The following COBL variants were observed in gnomAD, a reference collection of about 807,000 sequenced individuals.
COBL encodes the protein cordon-bleu WH2 repeat protein.
In COBL, 51 loss-of-function variants were observed where a neutral mutation model predicts 98.8. The ratio of observed to expected loss-of-function variants is 0.52; its 90% CI spans 0.41 to 0.65. The LOEUF (loss-of-function observed/expected upper bound fraction) is 0.65. COBL is among the 30% of genes least tolerant of loss of function. COBL has a pLI of 0.00. For synonymous variants in COBL, 634 were observed against 651.7 expected, an observed-to-expected ratio of 0.97 and a Z score of 0.41; for missense variants, 1,617 against 1,617.5, an observed-to-expected ratio of 1.00 and a Z score of 0.01.
chr7:51,250,056 C>T (rs1254200555), intron 1 of COBL, among the ~76,000 whole-genome samples: 2 of 151,854 alleles, frequency 1.3e-5, no homozygotes, highest in African/African-American at 4.8e-5. Context: ...AAGCCAAGAT[C>T]GCACCACTGC....
intron 6 of COBL, among the ~76,000 whole-genome samples, chr7:51,096,860 T>C (rs1795315436): frequency 6.6e-6 from 1 of 151,998 alleles, no homozygotes; most frequent in South Asian, 2.1e-4. Flanking sequence ...CCAAAAACCT[T>C]CCAACAAAGA....
intron 1 of COBL, among the ~76,000 whole-genome samples, chr7:51,251,183 G>A (rs1026975721): frequency 7.9e-5 from 12 of 152,110 alleles, no homozygotes; most frequent in African/African-American, 2.9e-4. Flanking sequence ...CTGCAAATTA[G>A]AACACGTAAA....
chr7:51,078,180 G>T (rs1793268615), intron 7 of COBL, among the ~76,000 whole-genome samples: 1 of 152,160 alleles, frequency 6.6e-6, no homozygotes, highest in Non-Finnish European at 1.5e-5. Flanking sequence ...TTCCATTCTT[G>T]CCAAAGAATT....
At chr7:51,109,052 T>G (rs1371327990) in intron 6 of COBL, among the ~76,000 whole-genome samples, 1 of 152,164 alleles carries the variant, frequency 6.6e-6, no homozygotes, top group Non-Finnish European at 1.5e-5. Context: ...ACTGGCCTCC[T>G]GCCTAGTGTG....
chr7:51,230,122 CA>C (rs1395272068), intron 1 of COBL, among the ~76,000 whole-genome samples: 14 of 152,182 alleles, frequency 9.2e-5, no homozygotes, highest in Admixed American at 5.9e-4. Flanking sequence ...CCCTGAGAAG[CA>C]AGGAGTGTGC....
intron 4 of COBL, among the ~76,000 whole-genome samples, chr7:51,185,299 G>A (rs1789384483): frequency 6.6e-6 from 1 of 152,200 alleles, no homozygotes; most frequent in South Asian, 2.1e-4. Context: ...TGGGTGCAGG[G>A]CCCAGCACTA....
At chr7:51,063,159 AAG>A (rs1252823372) in intron 7 of COBL, among the ~76,000 whole-genome samples, 5 of 150,484 alleles carry the variant, frequency 3.3e-5, no homozygotes, top group African/African-American at 1.2e-4. Flanking sequence ...TTTTTAGATG[AAG>A]TCTCACTCTG....
intron 6 of COBL, among the ~76,000 whole-genome samples, chr7:51,130,115 C>T (rs138045204): frequency 1.3e-5 from 2 of 152,270 alleles, no homozygotes; most frequent in African/African-American, 2.4e-5. Flanking sequence ...AGAAGAGACA[C>T]CATCAAGGTG....
intron 6 of COBL, among the ~76,000 whole-genome samples, chr7:51,112,101 C>A (rs1796882054): frequency 6.6e-6 from 1 of 152,126 alleles, no homozygotes; most frequent in Non-Finnish European, 1.5e-5. Flanking sequence ...AAGACTCCCA[C>A]ACACATAACA....
chr7:51,176,122 T>C (rs920127585), intron 5 of COBL, among the ~76,000 whole-genome samples: 3 of 152,190 alleles, frequency 2.0e-5, no homozygotes, highest in Admixed American at 2.0e-4. Context: ...TTGAAGTTTT[T>C]CTGGTGGCTC....
intron 7 of COBL, among the ~76,000 whole-genome samples, chr7:51,052,362 C>T (rs1415807727): frequency 6.6e-5 from 10 of 152,184 alleles, no homozygotes. Context: ...AGTATATCTG[C>T]ATTTAGACTT....
chr7:51,136,444 C>T, intron 5 of COBL, 113 bp from the exon 6 acceptor site: 1 of 1,131,752 alleles, frequency 8.8e-7, no homozygotes. Flanking sequence ...TGAACGGCAG[C>T]TGTTTCTACA....
chr7:51,208,628 A>T (rs1031676492), intron 2 of COBL, among the ~76,000 whole-genome samples: 8 of 152,238 alleles, frequency 5.3e-5, no homozygotes, highest in Non-Finnish European at 1.5e-5. Context: ...AAGCGGGGAA[A>T]GGTGGGGAAA....
Position 51,028,648 on chromosome 7 carries a change from G to C in COBL, c.2448C>G (p.Pro816=), listed in dbSNP as rs143849688. 88 of 1,612,962 alleles carry C rather than the reference G, an allele frequency of 5.5e-5. No homozygotes were observed. The highest frequency in any genetic ancestry group is 7.0e-5 in the Non-Finnish European group (83 of 1,179,380). The part of the protein sequence containing the change: ...RLQADPKPIS[P]QQKSAHHEGR... ...CCTCATGGTGGGCAGACTTCTGCTG[G>C]GGCGATATTGGCTTGGGGTCTGCTT... is the stretch of plus-strand genomic sequence containing the variant. The change falls in exon 10 of 13, where the codon CCC becomes CCG. Residue 816 remains proline (P), a synonymous_variant. Transcript: ENST00000265136.
At chr7:51,086,810 ATT>A (rs1317304065) in intron 6 of COBL, among the ~76,000 whole-genome samples, 1 of 152,088 alleles carries the variant, frequency 6.6e-6, no homozygotes, top group South Asian at 2.1e-4. Context: ...TTCTAAAAAT[ATT>A]TTTTTCTTTC....
intron 5 of COBL, among the ~76,000 whole-genome samples, chr7:51,158,615 G>C (rs1000810222): frequency 7.2e-5 from 11 of 152,180 alleles, no homozygotes; most frequent in Non-Finnish European, 1.5e-4. Flanking sequence ...TAGGGGCCCA[G>C]ACCCTGGGGC....
intron 6 of COBL, among the ~76,000 whole-genome samples, chr7:51,118,370 G>A: frequency 6.6e-6 from 1 of 152,050 alleles, no homozygotes; most frequent in East Asian, 1.9e-4. Flanking sequence ...CTATCTGGAG[G>A]TTTGATTGGG....
At chr7:51,055,797 C>T (rs1220868000) in intron 7 of COBL, among the ~76,000 whole-genome samples, 5 of 152,176 alleles carry the variant, frequency 3.3e-5, no homozygotes, top group African/African-American at 1.2e-4. Flanking sequence ...GCTTTGTATC[C>T]CCATGTAGCT....
At chr7:51,079,117 G>T (rs977431028) in intron 7 of COBL, among the ~76,000 whole-genome samples, 4 of 152,330 alleles carry the variant, frequency 2.6e-5, no homozygotes, top group East Asian at 3.9e-4. Flanking sequence ...AGGAGGTGGG[G>T]ATCACTGAGA....
Sources: gnomAD v4.1 joint callset for allele counts (sites outside exome capture counted in the v4.1 genomes callset) on GRCh38, gnomAD v4.1.1 for gene constraint, MANE v1.5 for transcripts, NCBI Gene and HGNC (gene_info 2026-07-23, HGNC 2026-07-21) for gene names.